SLC7A1: variants seen among roughly 807,000 people sequenced by gnomAD.
SLC7A1 encodes high affinity cationic amino acid transporter 1.
In SLC7A1, 10 loss-of-function variants were observed where a neutral mutation model predicts 53.9. The observed-to-expected ratio is 0.19, with a 90% CI of 0.11 to 0.31. SLC7A1 has a LOEUF of 0.31. Ranked by LOEUF, SLC7A1 falls within the 10% of genes least tolerant of loss-of-function variation. SLC7A1 has a pLI of 1.00. For missense variants in SLC7A1, 525 were observed against 827.2 expected (o/e 0.63, Z 4.48); for synonymous variants, 342 against 338.7 (o/e 1.01, Z -0.11).
chr13:29,523,553 C>A, intron 6 of SLC7A1, 65 bp from the exon 7 acceptor site: 1 of 1,227,194 alleles, frequency 8.1e-7, no homozygotes, highest in Admixed American at 1.9e-5. Context: ...GCCCACATGA[C>A]ACCCAAGGCC....
At chr13:29,580,831 A>C (rs1448685632) in intron 1 of SLC7A1, among the ~76,000 whole-genome samples, 1 of 152,200 alleles carries the variant, frequency 6.6e-6, no homozygotes, top group Non-Finnish European at 1.5e-5. Context: ...TTCCCCAAAG[A>C]AGCAATGCCA....
intron 2 of SLC7A1, among the ~76,000 whole-genome samples, chr13:29,549,321 G>C (rs1018448192): frequency 6.6e-6 from 1 of 152,190 alleles, no homozygotes; most frequent in Non-Finnish European, 1.5e-5. Context: ...CCAGGATGCG[G>C]GACCAGTGCC....
At chr13:29,581,939 T>C (rs953452691) in intron 1 of SLC7A1, among the ~76,000 whole-genome samples, 1 of 152,264 alleles carries the variant, frequency 6.6e-6, no homozygotes, top group Non-Finnish European at 1.5e-5. Flanking sequence ...ATGGGATTTT[T>C]CTTCTCGGAG....
At chr13:29,569,204 A>C (rs1593575206) in intron 1 of SLC7A1, among the ~76,000 whole-genome samples, 1 of 152,012 alleles carries the variant, frequency 6.6e-6, no homozygotes, top group East Asian at 1.9e-4. Flanking sequence ...CTCTCTGGGC[A>C]CTGGCAGGGA....
chr13:29,540,574 C>T (rs1196895121), intron 2 of SLC7A1, among the ~76,000 whole-genome samples: 1 of 152,228 alleles, frequency 6.6e-6, no homozygotes, highest in African/African-American at 2.4e-5. Context: ...GATCATTCCA[C>T]CACTGATACA....
At position 29,538,177 on chromosome 13, in the gene SLC7A1, G is replaced by A. The variant is rs78139552; in HGVS notation, c.-14-1975C>T. On this transcript the variant is annotated intron_variant, in intron 2 of 12. Coordinates refer to ENST00000380752, the MANE Select transcript of SLC7A1 (RefSeq NM_003045.5). The stretch of plus-strand genomic sequence containing the variant: ...ATAGATGGGGAAAACAGCTCAGAGA[G>A]CCAAATGTCAAACAGGGTCACAGGC... Among the ~76,000 whole-genome samples, 880 of 152,332 alleles carry A rather than the reference G, an allele frequency of 5.8e-3. 9 individuals are homozygous for A. The highest frequency in any genetic ancestry group is 0.02 in the African/African-American group (831 of 41,568).
chr13:29,554,339 A>C (rs1205458049), intron 1 of SLC7A1, among the ~76,000 whole-genome samples: 3 of 152,140 alleles, frequency 2.0e-5, no homozygotes, highest in Non-Finnish European at 2.9e-5. Context: ...TACAATCGAG[A>C]ATTTAGTGAT....
intron 1 of SLC7A1, among the ~76,000 whole-genome samples, chr13:29,569,782 A>G (rs546197451): frequency 6.6e-6 from 1 of 152,102 alleles, no homozygotes; most frequent in South Asian, 2.1e-4. Flanking sequence ...TAGAAAAGCA[A>G]CCATCAGTCC....
At chr13:29,576,207 G>A (rs1871401255) in intron 1 of SLC7A1, among the ~76,000 whole-genome samples, 1 of 147,228 alleles carries the variant, frequency 6.8e-6, no homozygotes, top group African/African-American at 2.5e-5. Context: ...CAGGAGGATT[G>A]CTTCAACCCA....
At chr13:29,571,092 C>T (rs1871171166) in intron 1 of SLC7A1, among the ~76,000 whole-genome samples, 1 of 152,152 alleles carries the variant, frequency 6.6e-6, no homozygotes, top group African/African-American at 2.4e-5. Flanking sequence ...AAAATGATAA[C>T]TGTTTTTGCC....
chr13:29,530,264 T>G (rs1416923553), intron 5 of SLC7A1, among the ~76,000 whole-genome samples: 1 of 152,178 alleles, frequency 6.6e-6, no homozygotes, highest in Non-Finnish European at 1.5e-5. Flanking sequence ...GAATCCTGAA[T>G]GATACACAAT....
At chr13:29,533,144 G>C (rs895765917) in intron 3 of SLC7A1, among the ~76,000 whole-genome samples, 162 bp from the exon 4 acceptor site, 1 of 152,158 alleles carries the variant, frequency 6.6e-6, no homozygotes, top group Non-Finnish European at 1.5e-5. Context: ...CAGAAGTGAC[G>C]GTCGACTAGT....
chr13:29,525,577 C>CT (rs1868847131), intron 5 of SLC7A1, among the ~76,000 whole-genome samples: 1 of 152,218 alleles, frequency 6.6e-6, no homozygotes, highest in South Asian at 2.1e-4. Flanking sequence ...GACCCAACTA[C>CT]TTTCTAATGG....
At chr13:29,592,136 C>T (rs534249448) in intron 1 of SLC7A1, among the ~76,000 whole-genome samples, 2 of 152,218 alleles carry the variant, frequency 1.3e-5, no homozygotes, top group Non-Finnish European at 2.9e-5. Context: ...AAGCATCCTT[C>T]GTTTCAGGGC....
chr13:29,527,362 C>T (rs1468860875), intron 5 of SLC7A1, among the ~76,000 whole-genome samples: 1 of 152,130 alleles, frequency 6.6e-6, no homozygotes, highest in African/African-American at 2.4e-5. Flanking sequence ...AAGTTAAATT[C>T]CACCTTTAAG....
intron 11 of SLC7A1, among the ~76,000 whole-genome samples, chr13:29,516,453 C>A (rs1276001679): frequency 6.6e-6 from 1 of 152,170 alleles, no homozygotes; most frequent in African/African-American, 2.4e-5. Flanking sequence ...AAGGGTACAT[C>A]TTAGTAGGTG....
intron 12 of SLC7A1, among the ~76,000 whole-genome samples, chr13:29,515,351 C>A (rs141954786): frequency 1.3e-5 from 2 of 152,330 alleles, no homozygotes; most frequent in African/African-American, 4.8e-5. Flanking sequence ...CTCTAGGAGA[C>A]GTCTGTCTAA....
rs938508953 is a variant in SLC7A1 at position 29,510,873 on chromosome 13, G to A, written c.*3607C>T. ...CAGGCTTGCTTTAGCATTGAGTCCT[G>A]CGTCGCGCAATGCCCAGGACCTTGC... On this transcript the variant is annotated 3_prime_UTR_variant, in exon 13 of 13. Transcript: ENST00000380752. The A allele has an allele frequency of 1.3e-5, 2 of 152,292 alleles. No individual in the cohort carries two copies. The highest frequency in any genetic ancestry group is 2.9e-5 in the Non-Finnish European group (2 of 68,068). The allele number at this position is 152,292 out of a possible 1,614,324, so 9.4% of individuals were successfully genotyped here. A position where few individuals can be genotyped will look rare whatever the true frequency, so the allele number is the denominator to read the frequency against.
rs1868430400 is a variant in SLC7A1, at chr13:29,517,873, A to C, written c.1293-83T>G. 3.8e-6 allele frequency: 4 copies of C among 1,039,164 alleles called. No individual in the cohort carries two copies. In the Admixed American group the frequency reaches 7.1e-5, roughly 19 times the overall value. 64.4% of individuals were successfully genotyped at this position (1,039,164 alleles called of 1,614,324 possible). On this transcript the variant is annotated intron_variant, in intron 9 of 12. Transcript: ENST00000380752. ...CAACTCAAGTTCTCAATAAGCCTCC[A>C]AAGTGAGCTGCCCGGGACACAAGGT...
Sources: gnomAD v4.1 joint callset for allele counts (sites outside exome capture counted in the v4.1 genomes callset) on GRCh38, gnomAD v4.1.1 for gene constraint, MANE v1.5 for transcripts, NCBI Gene and HGNC (gene_info 2026-07-23, HGNC 2026-07-21) for gene names.